The following ENOX1 variants were observed in gnomAD, a reference collection of about 807,000 sequenced individuals.
The protein encoded by ENOX1 is candidate growth-related and time keeping constitutive hydroquinone (NADH) oxidase.
In ENOX1, 42 loss-of-function variants were observed where a neutral mutation model predicts 82.5. The ratio of observed to expected loss-of-function variants is 0.51; its 90% confidence interval spans 0.40 to 0.66. The LOEUF (loss-of-function observed/expected upper bound fraction) is 0.66, where lower values mean the gene tolerates loss of function less well. ENOX1 is among the 30% of genes least tolerant of loss of function. The pLI, the probability that ENOX1 is intolerant of heterozygous loss-of-function variation, is 0.00. For synonymous variants in ENOX1, 271 were observed against 282.2 expected (o/e 0.96, Z 0.40); for missense variants, 608 against 811.6 (o/e 0.75, Z 3.05).
intron 3 of ENOX1, among the ~76,000 whole-genome samples, chr13:43,461,621 G>A (rs2057490066): frequency 6.6e-6 from 1 of 152,148 alleles, no homozygotes; most frequent in Non-Finnish European, 1.5e-5. Flanking sequence ...GGCCTGGGAT[G>A]GTTAGGAAAT....
At chr13:43,757,285 C>T (rs1486451431) in intron 1 of ENOX1, among the ~76,000 whole-genome samples, 1 of 152,196 alleles carries the variant, frequency 6.6e-6, no homozygotes, top group African/African-American at 2.4e-5. Flanking sequence ...TTCCCCATCC[C>T]TTGAACCTGG....
At chr13:43,573,216 C>T (rs1021388456) in intron 2 of ENOX1, among the ~76,000 whole-genome samples, 1 of 152,196 alleles carries the variant, frequency 6.6e-6, no homozygotes, top group Non-Finnish European at 1.5e-5. Flanking sequence ...CACTGCCTCA[C>T]ATCCTCATGC....
At chr13:43,404,790 A>G (rs1200160126) in intron 5 of ENOX1, among the ~76,000 whole-genome samples, 1 of 152,230 alleles carries the variant, frequency 6.6e-6, no homozygotes, top group Non-Finnish European at 1.5e-5. Context: ...AAGAAAGGGT[A>G]AGTAAATGCA....
At chr13:43,432,459 T>C (rs887109862) in intron 3 of ENOX1, among the ~76,000 whole-genome samples, 2 of 151,862 alleles carry the variant, frequency 1.3e-5, no homozygotes, top group African/African-American at 4.8e-5. Flanking sequence ...GCCAACATGG[T>C]GAAACCCCAT....
rs967266211 is a variant in ENOX1 at position 43,561,048 on chromosome 13, G to A, written c.-218-76896C>T. Among the ~76,000 whole-genome samples, 10 of 152,304 alleles carry A rather than the reference G, an allele frequency of 6.6e-5. No homozygotes were observed. The East Asian group carries it at 1.7e-3, about 26-fold the overall frequency. On this transcript the variant is annotated intron_variant, in intron 2 of 16. Coordinates refer to ENST00000690772, the MANE Select transcript of ENOX1 (RefSeq NM_001347969.2). Reference sequence around the variant, plus strand: ...TTCCCTATCAATAATTCTGGGAGGAGTGGGAGAGAGAACAGTGCGTAATCA... The same window carrying A: ...TTCCCTATCAATAATTCTGGGAGGAATGGGAGAGAGAACAGTGCGTAATCA...
rs188277108 is a variant in ENOX1, at chr13:43,247,238, A to G, written c.1612-10500T>C. Among the ~76,000 whole-genome samples the G allele has an allele frequency of 6.5e-4, 99 of 151,248 alleles. 1 individual carries two copies. Among genetic ancestry groups the G allele is most frequent in the African/African-American group, 2.3e-3 (96 of 41,188 alleles). ...AGCTGAGGCAGAACTGATTGAACCCAGGAGGTGGAGGTTGCAGTGAGCCGA... is the reference window on the plus strand; with the variant it reads ...AGCTGAGGCAGAACTGATTGAACCCGGGAGGTGGAGGTTGCAGTGAGCCGA... On this transcript the variant is annotated intron_variant, in intron 14 of 16. Coordinates refer to ENST00000690772, the MANE Select transcript of ENOX1 (RefSeq NM_001347969.2).
At chr13:43,443,216 A>G (rs2056451670) in intron 3 of ENOX1, among the ~76,000 whole-genome samples, 1 of 152,202 alleles carries the variant, frequency 6.6e-6, no homozygotes, top group African/African-American at 2.4e-5. Context: ...TAGCAAAGAG[A>G]ATCTGTGACC....
intron 3 of ENOX1, among the ~76,000 whole-genome samples, chr13:43,442,816 C>T (rs574142834): frequency 6.6e-6 from 1 of 152,190 alleles, no homozygotes; most frequent in South Asian, 2.1e-4. Flanking sequence ...ATTAAATGCC[C>T]ATGCAAGTAA....
At chr13:43,578,099 T>C (rs888716996) in intron 2 of ENOX1, among the ~76,000 whole-genome samples, 6 of 152,184 alleles carry the variant, frequency 3.9e-5, no homozygotes, top group Non-Finnish European at 8.8e-5. Context: ...TAGGTTTGCT[T>C]AGACTTTACC....
intron 11 of ENOX1, chr13:43,321,085 T>G (rs1018422261): frequency 1.8e-5 from 8 of 456,174 alleles, no homozygotes; most frequent in Non-Finnish European, 3.5e-5. Context: ...TGGTGCCTAC[T>G]TGTATGTTAA....
chr13:43,417,242 C>CGGGAGAGGGAGAGGGAAA lies in ENOX1; in HGVS notation c.-74-4255_-74-4254insTTTCCCTCTCCCTCTCCC, dbSNP rs1555267022. On this transcript the variant is annotated intron_variant, in intron 3 of 16. Coordinates refer to ENST00000690772, the MANE Select transcript of ENOX1 (RefSeq NM_001347969.2). ...GAGACGGGAGACGGGAGACGGGAGA[C>CGGGAGAGGGAGAGGGAAA]GGGAGAGGGAGAGGGAGAGGGAGAG... Among the ~76,000 whole-genome samples, 45 of 82,818 alleles carry CGGGAGAGGGAGAGGGAAA rather than the reference C, an allele frequency of 5.4e-4. 1 individual carries two copies. The highest frequency in any genetic ancestry group is 1.9e-3 in the African/African-American group (42 of 21,672). The allele number at this position is 82,818 out of a possible 152,430, so 54.3% of individuals were successfully genotyped here. A position where few individuals can be genotyped will look rare whatever the true frequency, so the allele number is the denominator to read the frequency against.
At chr13:43,400,334 G>T (rs7987686) in intron 5 of ENOX1, among the ~76,000 whole-genome samples, 33,347 of 151,966 alleles carry the variant, frequency 0.22, 4,585 homozygotes, top group East Asian at 0.52. Flanking sequence ...GAATCCATTA[G>T]CCAGGAACTC....
intron 2 of ENOX1, among the ~76,000 whole-genome samples, chr13:43,643,067 T>C (rs1012562104): frequency 6.6e-6 from 1 of 152,194 alleles, no homozygotes. Flanking sequence ...ACTCAAAACA[T>C]TTTTTATTTA....
chr13:43,413,473 G>A (rs905785575), intron 3 of ENOX1, among the ~76,000 whole-genome samples: 2 of 151,882 alleles, frequency 1.3e-5, no homozygotes, highest in African/African-American at 4.8e-5. Flanking sequence ...GAAAAAGGAA[G>A]AACCCATTCA....
At chr13:43,634,004 A>C (rs2083320024) in intron 2 of ENOX1, among the ~76,000 whole-genome samples, 1 of 137,746 alleles carries the variant, frequency 7.3e-6, no homozygotes, top group Non-Finnish European at 1.7e-5. Context: ...CCTACTTACT[A>C]TTAATATCAC....
intron 1 of ENOX1, among the ~76,000 whole-genome samples, chr13:43,735,287 C>T (rs181673974): frequency 2.0e-5 from 3 of 152,224 alleles, no homozygotes; most frequent in African/African-American, 7.2e-5. Flanking sequence ...ATAAAAAATT[C>T]CTTTCTGCTG....
At chr13:43,727,451 T>A (rs2089055283) in intron 1 of ENOX1, among the ~76,000 whole-genome samples, 1 of 152,162 alleles carries the variant, frequency 6.6e-6, no homozygotes, top group African/African-American at 2.4e-5. Context: ...ACAACAGAAC[T>A]AGGCCATCCT....
intron 2 of ENOX1, among the ~76,000 whole-genome samples, chr13:43,580,451 C>G (rs1013118297): frequency 6.6e-6 from 1 of 152,122 alleles, no homozygotes; most frequent in African/African-American, 2.4e-5. Flanking sequence ...TTTCAAGTGC[C>G]GACCAGAATA....
At chr13:43,503,673 A>G (rs2077054719) in intron 2 of ENOX1, among the ~76,000 whole-genome samples, 1 of 151,616 alleles carries the variant, frequency 6.6e-6, no homozygotes, top group South Asian at 2.1e-4. Flanking sequence ...ATGAAATTTT[A>G]CCCTTACTGT....
Sources: allele counts gnomAD v4.1 joint callset (sites outside exome capture counted in the v4.1 genomes callset), GRCh38; gene constraint gnomAD v4.1.1; transcripts MANE v1.5; gene names NCBI Gene and HGNC (gene_info 2026-07-23, HGNC 2026-07-21).